The following FMN1 variants were observed in gnomAD, a reference collection of about 807,000 sequenced individuals.
The protein encoded by FMN1 is formin-1.
In FMN1, 110 loss-of-function variants were observed where a neutral mutation model predicts 132.4. That is an observed-to-expected ratio of 0.83 (90% CI 0.71 to 0.97). The LOEUF (loss-of-function observed/expected upper bound fraction) is 0.97, where lower values mean the gene tolerates loss of function less well. Among genes scored for constraint, FMN1 ranks in the 50% least tolerant of loss-of-function variants. FMN1 has a pLI of 0.00. For missense variants in FMN1, 1,792 were observed against 1,705.3 expected (o/e 1.05, Z -0.90); for synonymous variants, 722 against 651.7 (o/e 1.11, Z -1.64).
chr15:32,876,340 T>C (rs1220553585), intron 16 of FMN1, among the ~76,000 whole-genome samples: 1 of 152,180 alleles, frequency 6.6e-6, no homozygotes, highest in Non-Finnish European at 1.5e-5. Context: ...AATGTAGGTA[T>C]AGAAGGCCAG....
intron 12 of FMN1, chr15:32,908,088 G>T: frequency 5.8e-6 from 1 of 171,582 alleles, no homozygotes; most frequent in Non-Finnish European, 1.3e-5. Flanking sequence ...GCACTTACTG[G>T]ATATGACCTT....
chr15:33,050,884 G>T (rs1307144938), intron 6 of FMN1, among the ~76,000 whole-genome samples: 2 of 152,232 alleles, frequency 1.3e-5, no homozygotes, highest in Non-Finnish European at 2.9e-5. Flanking sequence ...AAAATAATGA[G>T]GAAGAGGGAG....
chr15:33,179,461 C>A (rs1201272634), intron 3 of FMN1, among the ~76,000 whole-genome samples: 2 of 152,170 alleles, frequency 1.3e-5, no homozygotes, highest in Non-Finnish European at 2.9e-5. Context: ...CTGGGGGTAC[C>A]TTTAGATATC....
Position 32,844,396 on chromosome 15 carries a change from G to C in FMN1, c.3928+12619C>G, listed in dbSNP as rs568777336. 5.3e-5 allele frequency among the ~76,000 whole-genome samples: 8 copies of C among 152,070 alleles called. No homozygotes were observed. The South Asian group carries it at 1.7e-3, about 32-fold the overall frequency. ...TCTATCAGACCTGCCCTCTTAAATG[G>C]AATTATGTACATCCCTTATATCATC... On this transcript the variant is annotated intron_variant, in intron 17 of 20. Coordinates refer to ENST00000616417, the MANE Select transcript of FMN1 (RefSeq NM_001277313.2).
intron 16 of FMN1, among the ~76,000 whole-genome samples, chr15:32,859,134 GATT>G (rs2059205529): frequency 6.6e-6 from 1 of 152,188 alleles, no homozygotes; most frequent in Non-Finnish European, 1.5e-5. Context: ...TATCTTGTTG[GATT>G]ATGTTTTTTT....
At chr15:33,161,638 G>C (rs760825178) in intron 3 of FMN1, among the ~76,000 whole-genome samples, 1 of 152,158 alleles carries the variant, frequency 6.6e-6, no homozygotes, top group Non-Finnish European at 1.5e-5. Context: ...ACAAAGGAAG[G>C]CTGGGCGCAG....
At chr15:33,013,839 T>G (rs894964135) in intron 6 of FMN1, among the ~76,000 whole-genome samples, 2 of 152,242 alleles carry the variant, frequency 1.3e-5, no homozygotes, top group African/African-American at 2.4e-5. Flanking sequence ...GTGAAATTGA[T>G]GTCCTTTGAG....
At chr15:32,958,132 T>G (rs1267930049) in intron 9 of FMN1, among the ~76,000 whole-genome samples, 1 of 152,214 alleles carries the variant, frequency 6.6e-6, no homozygotes, top group Non-Finnish European at 1.5e-5. Context: ...CACATCTTTT[T>G]ACTCAAAGAT....
Position 33,033,032 on chromosome 15 carries a change from C to T in FMN1, c.2162-24957G>A, listed in dbSNP as rs557372318. ...TGTTTTACTATTACTGTTTCGTTTT[C>T]GTTTGTTTTTTGTTTTTAAATGGAG... On this transcript the variant is annotated intron_variant, in intron 6 of 20. Transcript: ENST00000616417. Among the ~76,000 whole-genome samples, 4 of 152,084 alleles carry T rather than the reference C, an allele frequency of 2.6e-5. No homozygotes were observed. In the South Asian group the frequency reaches 6.2e-4, roughly 24 times the overall value.
chr15:33,104,097 GA>G (rs1252361487), intron 4 of FMN1, among the ~76,000 whole-genome samples: 1 of 152,014 alleles, frequency 6.6e-6, no homozygotes, highest in Admixed American at 6.6e-5. Context: ...TTTGTCAGCT[GA>G]AAAAAACTTT....
chr15:33,182,098 G>A (rs917044302), intron 2 of FMN1, among the ~76,000 whole-genome samples: 19 of 152,166 alleles, frequency 1.2e-4, no homozygotes, highest in African/African-American at 4.3e-4. Context: ...GAAGCCAGTC[G>A]GGAGGTTAGT....
At chr15:32,885,820 TA>T (rs1331942722) in intron 16 of FMN1, among the ~76,000 whole-genome samples, 17 of 147,238 alleles carry the variant, frequency 1.2e-4, no homozygotes, top group African/African-American at 3.4e-4. Context: ...TTTTTTTTTT[TA>T]AAAGACTCTG....
rs2031552714 is a variant in FMN1, at chr15:32,969,185, C to T, written c.2516G>A (p.Ser839Asn). The T allele has an allele frequency of 2.5e-6, 4 of 1,613,862 alleles. No homozygotes were observed. The highest frequency in any genetic ancestry group is 3.4e-6 in the Non-Finnish European group (4 of 1,179,870). Residue 839 changes from serine (S) to asparagine (N), a missense_variant, in exon 8 of 21, where the codon AGC becomes AAC. By Grantham distance (46) the Ser-to-Asn change is conservative (BLOSUM62 1). Transcript: ENST00000616417. ...GTGGTCATTTGGGGGTGAGAGCTGG[C>T]TTAAAGAGGAGATATTCAGCTTTTT... ...VPKKLNISSL[S>N]QLSPPNDHKD...
chr15:32,883,992 T>A (rs1458559049), intron 16 of FMN1, among the ~76,000 whole-genome samples: 2 of 152,190 alleles, frequency 1.3e-5, no homozygotes. Flanking sequence ...TAGGTGCTAC[T>A]ATTTGACGAA....
chr15:33,152,788 CAAA>C (rs367698101), intron 4 of FMN1, among the ~76,000 whole-genome samples: 5 of 65,948 alleles, frequency 7.6e-5, no homozygotes, highest in Non-Finnish European at 7.5e-5. Flanking sequence ...TAGAGGATGC[CAAA>C]AAAAAAAAAA....
At chr15:33,129,141 C>G (rs549948060) in intron 4 of FMN1, among the ~76,000 whole-genome samples, 3 of 152,194 alleles carry the variant, frequency 2.0e-5, no homozygotes, top group Non-Finnish European at 4.4e-5. Context: ...GGCTTCACCT[C>G]TCAATATTTT....
In FMN1 at chr15:32,845,230, C is replaced by T. The variant is rs552288796; in HGVS notation, c.3928+11785G>A. 2.7e-4 allele frequency among the ~76,000 whole-genome samples: 41 copies of T among 152,250 alleles called. 1 individual carries two copies. The highest frequency in any genetic ancestry group is 1.7e-3 in the Admixed American group (26 of 15,298). The stretch of plus-strand genomic sequence containing the variant: ...AAAGTGGTGGCTAGGCCAATAATTA[C>T]GTGAGGCAATTTATCATGAGAACAA... On this transcript the variant is annotated intron_variant, in intron 17 of 20. Transcript: ENST00000616417.
At chr15:32,782,316 T>C (rs2056691552) in intron 19 of FMN1, among the ~76,000 whole-genome samples, 1 of 152,242 alleles carries the variant, frequency 6.6e-6, no homozygotes, top group Admixed American at 6.5e-5. Context: ...ACTTTTGTTT[T>C]TCTGACTTAA....
At chr15:32,891,938 G>A (rs2060041138) in intron 15 of FMN1, among the ~76,000 whole-genome samples, 1 of 152,106 alleles carries the variant, frequency 6.6e-6, no homozygotes, top group African/African-American at 2.4e-5. Context: ...TATTTTATCA[G>A]TTATAGGCGC....
Sources: allele counts gnomAD v4.1 joint callset (sites outside exome capture counted in the v4.1 genomes callset), GRCh38; gene constraint gnomAD v4.1.1; transcripts MANE v1.5; gene names NCBI Gene and HGNC (gene_info 2026-07-23, HGNC 2026-07-21).